BCAS3: variants seen among roughly 807,000 people sequenced by gnomAD.
BCAS3 encodes the protein BCAS4/BCAS3 fusion.
BCAS3 carries 53 observed loss-of-function variants against 116.1 expected under a neutral mutation model. The ratio of observed to expected loss-of-function variants is 0.46; its 90% CI spans 0.37 to 0.57. BCAS3 has a LOEUF of 0.57. Among genes scored for constraint, BCAS3 ranks in the 20% least tolerant of loss-of-function variants. The pLI, the probability that BCAS3 is intolerant of heterozygous loss-of-function variation, is 0.00. For missense variants in BCAS3, 917 were observed against 1,165.4 expected (o/e 0.79, Z 3.10); for synonymous variants, 391 against 408.2 (o/e 0.96, Z 0.51).
chr17:60,989,997 C>A lies in BCAS3; in HGVS notation c.1248C>A (p.Asp416Glu). 2 of 1,614,204 alleles carry A rather than the reference C, an allele frequency of 1.2e-6. No individual in the cohort carries two copies. Among genetic ancestry groups the A allele is most frequent in the Non-Finnish European group, 1.7e-6 (2 of 1,180,026 alleles). Reference sequence around the variant, plus strand: ...TACAGGACATCTGCTTCAGCCATGACTGTCGCTGGGTTGTGGTCAGTACTC... The same window carrying A: ...TACAGGACATCTGCTTCAGCCATGAATGTCGCTGGGTTGTGGTCAGTACTC... ...AKVQDICFSH[D>E]CRWVVVSTLR... is the part of the protein sequence containing the mutation. The change falls in exon 15 of 24, where the codon GAC (aspartate) becomes GAA (glutamate). Residue 416 changes from aspartate to glutamate, a missense_variant. Physicochemically the swap from Asp to Glu is conservative, Grantham distance 45. Around this residue, in one of 3 missense-constraint regions of BCAS3, gnomAD observed 807 missense variants for 1,026.0 expected, o/e 0.79. Transcript: ENST00000407086.
At chr17:60,799,058 C>A (rs1322020765) in intron 6 of BCAS3, among the ~76,000 whole-genome samples, 1 of 152,086 alleles carries the variant, frequency 6.6e-6, no homozygotes, top group African/African-American at 2.4e-5. Context: ...GCTAACAATC[C>A]TTTTATCAGA....
chr17:60,997,476 A>G (rs1206286434), intron 15 of BCAS3, among the ~76,000 whole-genome samples: 1 of 152,118 alleles, frequency 6.6e-6, no homozygotes, highest in Non-Finnish European at 1.5e-5. Context: ...ATCATAAGGA[A>G]ATGGGTAGTG....
At position 61,118,655 on chromosome 17, in the gene BCAS3, G is replaced by A. The variant is rs371721389; in HGVS notation, c.2425+34091G>A. On this transcript the variant is annotated intron_variant, in intron 22 of 23. Coordinates refer to ENST00000407086, the MANE Select transcript of BCAS3 (RefSeq NM_017679.5). The surrounding 1 kb of genome is among the most constrained non-coding windows in gnomAD (Gnocchi z 5.0). The stretch of plus-strand genomic sequence containing the variant: ...GGGGTGCTGCAAGTTTTTGTGTGGC[G>A]TTTGGGTAGAGAGAAGCAATTATTG... Among the ~76,000 whole-genome samples, 3 of 152,244 alleles carry A rather than the reference G, an allele frequency of 2.0e-5. No homozygotes were observed. Among genetic ancestry groups the A allele is most frequent in the Middle Eastern group, 3.4e-3 (1 of 294 alleles).
chr17:61,256,218 C>G lies in BCAS3; in HGVS notation c.2426-112109C>G, dbSNP rs747429240. Among the ~76,000 whole-genome samples the G allele has an allele frequency of 6.6e-6, 1 of 152,044 alleles. No individual in the cohort carries two copies. The highest frequency in any genetic ancestry group is 6.6e-5 in the Admixed American group (1 of 15,256). ...GATCAGACTACCTGGGGTTGTCAAGCCTTCCATCTTCAAGCCAAGAGGTAG... is the reference window on the plus strand; with the variant it reads ...GATCAGACTACCTGGGGTTGTCAAGGCTTCCATCTTCAAGCCAAGAGGTAG... On this transcript the variant is annotated intron_variant, in intron 22 of 23. Coordinates refer to ENST00000407086, the MANE Select transcript of BCAS3 (RefSeq NM_017679.5). This position sits in a 1 kb window ranked among gnomAD's most constrained non-coding sequence, Gnocchi z 5.6.
At position 61,233,652 on chromosome 17, in the gene BCAS3, C is replaced by T. The variant is rs887811321; in HGVS notation, c.2426-134675C>T. Among the ~76,000 whole-genome samples the T allele has an allele frequency of 1.3e-5, 2 of 152,216 alleles. No homozygotes were observed. The highest frequency in any genetic ancestry group is 2.9e-5 in the Non-Finnish European group (2 of 68,036). On this transcript the variant is annotated intron_variant, in intron 22 of 23. Transcript: ENST00000407086. This position sits in a 1 kb window ranked among gnomAD's most constrained non-coding sequence, Gnocchi z 4.3. ...TCACTGAGGGACCTTGGATAAGTCA[C>T]AATCTTCCTGTCTCATGTTTCTTTT...
intron 22 of BCAS3, among the ~76,000 whole-genome samples, chr17:61,182,218 G>C (rs907564743): frequency 6.6e-6 from 1 of 152,142 alleles, no homozygotes; most frequent in Non-Finnish European, 1.5e-5. Flanking sequence ...ATAGTATCCA[G>C]ATATTCTAAA....
chr17:61,256,338 C>G lies in BCAS3; in HGVS notation c.2426-111989C>G, dbSNP rs1241674927. 1.3e-5 allele frequency among the ~76,000 whole-genome samples: 2 copies of G among 152,120 alleles called. No individual in the cohort carries two copies. The highest frequency in any genetic ancestry group is 1.3e-4 in the Admixed American group (2 of 15,268). On this transcript the variant is annotated intron_variant, in intron 22 of 23. Coordinates refer to ENST00000407086, the MANE Select transcript of BCAS3 (RefSeq NM_017679.5). The surrounding 1 kb of genome is among the most constrained non-coding windows in gnomAD (Gnocchi z 5.6). ...TTATTTTTTGAGGCAGAGTTTCACT[C>G]TCTCGCCCAGGCTGGAGTGCAGCGG...
intron 6 of BCAS3, among the ~76,000 whole-genome samples, chr17:60,783,644 A>C (rs1482554220): frequency 6.6e-6 from 1 of 152,228 alleles, no homozygotes; most frequent in African/African-American, 2.4e-5. Flanking sequence ...ACAAACAAAC[A>C]AAAACATCTA....
intron 22 of BCAS3, among the ~76,000 whole-genome samples, chr17:61,291,089 T>C (rs1042088677): frequency 6.6e-5 from 10 of 152,206 alleles, no homozygotes; most frequent in Admixed American, 2.0e-4. Flanking sequence ...CTAGTTTGCC[T>C]ATTTTAGCCA....
intron 22 of BCAS3, among the ~76,000 whole-genome samples, chr17:61,163,280 C>T (rs554015801): frequency 2.0e-5 from 3 of 149,332 alleles, no homozygotes; most frequent in Admixed American, 6.7e-5. Flanking sequence ...AAAAATTAGC[C>T]GGGCGTGGTG....
intron 22 of BCAS3, among the ~76,000 whole-genome samples, chr17:61,153,133 T>C (rs1048568152): frequency 6.6e-6 from 1 of 152,196 alleles, no homozygotes; most frequent in African/African-American, 2.4e-5. Context: ...TTCCTGCCTG[T>C]CTCCCATTAC....
rs1460105585 is a variant in BCAS3, at chr17:61,381,859, G to T, written c.2594-10118G>T. 6.6e-6 allele frequency among the ~76,000 whole-genome samples: 1 copy of T among 152,092 alleles called. No homozygotes were observed. The highest frequency in any genetic ancestry group is 1.5e-5 in the Non-Finnish European group (1 of 68,022). Reference sequence around the variant, plus strand: ...AGGAGCTGGCCAGGAGTCTTAAAGGGACCTCAACCTCAGCACAGCATTATT... The same window carrying T: ...AGGAGCTGGCCAGGAGTCTTAAAGGTACCTCAACCTCAGCACAGCATTATT... On this transcript the variant is annotated intron_variant, in intron 23 of 23. Transcript: ENST00000407086. This position sits in a 1 kb window ranked among gnomAD's most constrained non-coding sequence, Gnocchi z 6.0.
At chr17:61,310,218 T>C (rs1671716730) in intron 22 of BCAS3, among the ~76,000 whole-genome samples, 1 of 152,188 alleles carries the variant, frequency 6.6e-6, no homozygotes, top group Non-Finnish European at 1.5e-5. Context: ...TCTGGCCCAC[T>C]AACCCCAAGG....
chr17:60,680,722 A>T (rs1597995660), intron 2 of BCAS3, among the ~76,000 whole-genome samples: 1 of 148,784 alleles, frequency 6.7e-6, no homozygotes, highest in East Asian at 2.0e-4. Flanking sequence ...TGCAGCCTCC[A>T]CCTCCTCCTC....
chr17:61,201,626 TAATGGTGAG>T (rs1199969297), intron 22 of BCAS3, among the ~76,000 whole-genome samples: 1 of 152,160 alleles, frequency 6.6e-6, no homozygotes, highest in Non-Finnish European at 1.5e-5. Flanking sequence ...AGGTTGTGGT[TAATGGTGAG>T]AGAGGGTACC....
At chr17:60,760,019 T>C (rs2043363024) in intron 6 of BCAS3, among the ~76,000 whole-genome samples, 2 of 152,236 alleles carry the variant, frequency 1.3e-5, no homozygotes, top group African/African-American at 4.8e-5. Flanking sequence ...ATTTAGTTTC[T>C]ATTTGGATGG....
intron 14 of BCAS3, among the ~76,000 whole-genome samples, chr17:60,957,850 G>A (rs765385684): frequency 6.6e-6 from 1 of 152,192 alleles, no homozygotes; most frequent in African/African-American, 2.4e-5. Flanking sequence ...AAAATGCTTA[G>A]CAAAGCACTG....
chr17:60,973,387 T>G (rs2062084695), intron 14 of BCAS3, among the ~76,000 whole-genome samples: 1 of 152,078 alleles, frequency 6.6e-6, no homozygotes, highest in Non-Finnish European at 1.5e-5. Context: ...AGATTAAGTA[T>G]CTGTGGTGGC....
At chr17:60,982,085 A>C (rs2062849695) in intron 14 of BCAS3, among the ~76,000 whole-genome samples, 1 of 152,208 alleles carries the variant, frequency 6.6e-6, no homozygotes, top group Non-Finnish European at 1.5e-5. Context: ...ATTTGCATTA[A>C]GAGTTGCCTG....
Sources: allele counts gnomAD v4.1 joint callset (sites outside exome capture counted in the v4.1 genomes callset), GRCh38; gene constraint gnomAD v4.1.1; regional missense constraint gnomAD v4.1.1; non-coding constraint Gnocchi (gnomAD v3.1); transcripts MANE v1.5; gene names NCBI Gene and HGNC (gene_info 2026-07-23, HGNC 2026-07-21).